The following TTC17 variants were observed in gnomAD, a reference collection of about 807,000 sequenced individuals.
TTC17 encodes tetratricopeptide repeat domain 17.
TTC17 carries 58 observed loss-of-function variants against 143.8 expected under a neutral mutation model. The ratio of observed to expected loss-of-function variants is 0.40; its 90% confidence interval spans 0.33 to 0.50. TTC17 has a LOEUF of 0.50. Among genes scored for constraint, TTC17 ranks in the 20% least tolerant of loss-of-function variants. The pLI is 0.49. For synonymous variants in TTC17, 501 were observed against 497.8 expected, an observed-to-expected ratio of 1.01 and a Z score of -0.09; for missense variants, 1,273 against 1,392.5, an observed-to-expected ratio of 0.91 and a Z score of 1.37.
Position 43,389,632 on chromosome 11 carries a change from TCTTA to T in TTC17, c.250-16_250-13del, listed in dbSNP as rs1261977414. On this transcript the variant is annotated splice_polypyrimidine_tract_variant and intron_variant, in intron 2 of 23. Transcript: ENST00000039989. ...AAAATATTAGAAGAATCCATTCTGT[TCTTA>T]CTTTCTTCTCAACAGAAACAATTAG... The T allele has an allele frequency of 1.9e-6, 3 of 1,596,116 alleles. No homozygotes were observed.
At chr11:43,378,586 C>A (rs983429881) in intron 1 of TTC17, among the ~76,000 whole-genome samples, 2 of 152,182 alleles carry the variant, frequency 1.3e-5, no homozygotes, top group South Asian at 2.1e-4. Context: ...CCTAGACTTT[C>A]TTTTGCTCAA....
chr11:43,359,881 C>A (rs754644838), intron 1 of TTC17, among the ~76,000 whole-genome samples: 4 of 152,184 alleles, frequency 2.6e-5, no homozygotes. Flanking sequence ...AGAGGCGAGA[C>A]TGCTTTTCTT....
intron 1 of TTC17, among the ~76,000 whole-genome samples, chr11:43,377,810 C>G (rs572579934): frequency 6.6e-6 from 1 of 152,152 alleles, no homozygotes; most frequent in Non-Finnish European, 1.5e-5. Context: ...ATAGTTCTTT[C>G]AATCTTCATT....
chr11:43,441,894 C>G (rs1488097023), intron 16 of TTC17, among the ~76,000 whole-genome samples: 2 of 152,142 alleles, frequency 1.3e-5, no homozygotes, highest in Non-Finnish European at 2.9e-5. Context: ...TTGCAGAACT[C>G]TTCGTAGCTA....
intron 11 of TTC17, 42 bp from the exon 12 acceptor site, chr11:43,405,472 T>TTA: frequency 1.4e-6 from 2 of 1,450,124 alleles, no homozygotes; most frequent in Non-Finnish European, 1.9e-6. Flanking sequence ...ATTGAAATAT[T>TTA]GAATCCAAAG....
Position 43,402,920 on chromosome 11 carries a change from C to T in TTC17, c.1333-1078C>T, listed in dbSNP as rs111694069. 5.1e-3 allele frequency among the ~76,000 whole-genome samples: 775 copies of T among 152,208 alleles called. 5 individuals are homozygous for T. Among genetic ancestry groups the T allele is most frequent in the African/African-American group, 0.017 (700 of 41,516 alleles). ...GGACAAACCACAAAAACTTAGAACT[C>T]TTTAATCTGGAAAAATCCAGACTGC... On this transcript the variant is annotated intron_variant, in intron 10 of 23. Transcript: ENST00000039989.
At chr11:43,364,002 C>T (rs997702108) in intron 1 of TTC17, among the ~76,000 whole-genome samples, 3 of 148,962 alleles carry the variant, frequency 2.0e-5, no homozygotes, top group Middle Eastern at 3.7e-3. Context: ...TTTACTTAAT[C>T]GTTTTGTCCC....
intron 15 of TTC17, among the ~76,000 whole-genome samples, chr11:43,412,659 G>T (rs1858469772): frequency 1.3e-5 from 2 of 152,106 alleles, no homozygotes; most frequent in African/African-American, 2.4e-5. Flanking sequence ...CAAGGGAAAT[G>T]CTCATTGGAG....
At chr11:43,392,856 G>A (rs1466263286) in intron 5 of TTC17, among the ~76,000 whole-genome samples, 1 of 152,192 alleles carries the variant, frequency 6.6e-6, no homozygotes, top group African/African-American at 2.4e-5. Flanking sequence ...TAACTGGGTG[G>A]CTACTTTAGA....
intron 3 of TTC17, among the ~76,000 whole-genome samples, chr11:43,390,910 AGTT>A (rs1857359999): frequency 6.6e-6 from 1 of 152,180 alleles, no homozygotes; most frequent in African/African-American, 2.4e-5. Flanking sequence ...ACAATTGAGC[AGTT>A]GTATTAGTTA....
chr11:43,364,336 T>G (rs1856244663), intron 1 of TTC17, among the ~76,000 whole-genome samples: 1 of 151,808 alleles, frequency 6.6e-6, no homozygotes, highest in Non-Finnish European at 1.5e-5. Flanking sequence ...GGATTACAGG[T>G]GTGAGCCATT....
chr11:43,405,142 A>G (rs1023845710), intron 11 of TTC17, among the ~76,000 whole-genome samples: 3 of 141,756 alleles, frequency 2.1e-5, no homozygotes, highest in Non-Finnish European at 3.0e-5. Context: ...TATTGGTTTC[A>G]TCCAAAAGCT....
chr11:43,443,915 T>G, intron 17 of TTC17, 141 bp from the exon 18 acceptor site: 1 of 1,017,628 alleles, frequency 9.8e-7, no homozygotes, highest in East Asian at 2.5e-5. Context: ...AACCATTTTT[T>G]ATTTAGGTCT....
chr11:43,413,467 A>T (rs1413168194), intron 15 of TTC17, among the ~76,000 whole-genome samples: 1 of 152,230 alleles, frequency 6.6e-6, no homozygotes, highest in Non-Finnish European at 1.5e-5. Flanking sequence ...AAAGAAAAAA[A>T]TGATAAGCTG....
At chr11:43,450,879 A>C (rs946171791) in intron 20 of TTC17, among the ~76,000 whole-genome samples, 1 of 152,174 alleles carries the variant, frequency 6.6e-6, no homozygotes, top group African/African-American at 2.4e-5. Context: ...ATACCTCTCT[A>C]TATGTCTTTA....
chr11:43,469,429 G>C (rs1476110449), intron 21 of TTC17, among the ~76,000 whole-genome samples: 1 of 152,096 alleles, frequency 6.6e-6, no homozygotes, highest in African/African-American at 2.4e-5. Flanking sequence ...ATTTACAGCA[G>C]CTTTATTCAT....
chr11:43,453,960 T>C (rs1947713660), intron 21 of TTC17, among the ~76,000 whole-genome samples: 1 of 152,208 alleles, frequency 6.6e-6, no homozygotes, highest in Admixed American at 6.5e-5. Context: ...CTTGTGATCA[T>C]GTGGCTGACT....
intron 2 of TTC17, among the ~76,000 whole-genome samples, chr11:43,385,991 A>T (rs1368541231): frequency 1.3e-5 from 2 of 151,948 alleles, no homozygotes; most frequent in Admixed American, 6.6e-5. Context: ...TAAACTAAAG[A>T]CATAATTATT....
intron 21 of TTC17, among the ~76,000 whole-genome samples, chr11:43,455,253 G>A (rs758630959): frequency 1.3e-5 from 2 of 151,664 alleles, no homozygotes; most frequent in Non-Finnish European, 2.9e-5. Flanking sequence ...AGTTTTCAGA[G>A]AAATTTGCAT....
Sources: gnomAD v4.1 joint callset for allele counts (sites outside exome capture counted in the v4.1 genomes callset) on GRCh38, gnomAD v4.1.1 for gene constraint, MANE v1.5 for transcripts, NCBI Gene and HGNC (gene_info 2026-07-23, HGNC 2026-07-21) for gene names.